NRXN3: variants seen among roughly 807,000 people sequenced by gnomAD.
NRXN3 encodes the protein neurexin III.
A neutral mutation model predicts 137.6 loss-of-function variants in NRXN3; 32 were observed. The ratio of observed to expected loss-of-function variants is 0.23; its 90% confidence interval spans 0.18 to 0.31. The LOEUF is 0.31. Among genes scored for constraint, NRXN3 ranks in the 10% least tolerant of loss-of-function variants. The probability of loss-of-function intolerance (pLI) is 1.00; values close to 1 mark genes in which losing one functional copy is unlikely to be tolerated. For missense variants in NRXN3, 1,574 were observed against 2,062.5 expected (o/e 0.76, Z 4.59); for synonymous variants, 798 against 784.5 (o/e 1.02, Z -0.29).
chr14:78,811,618 C>T (rs2098913468), intron 10 of NRXN3, among the ~76,000 whole-genome samples: 1 of 152,074 alleles, frequency 6.6e-6, no homozygotes, highest in Non-Finnish European at 1.5e-5. Flanking sequence ...AGGAAAAATC[C>T]AACTTTTACA....
At chr14:78,260,870 A>G (rs776176512) in intron 2 of NRXN3, among the ~76,000 whole-genome samples, 1 of 152,188 alleles carries the variant, frequency 6.6e-6, no homozygotes, top group African/African-American at 2.4e-5. Flanking sequence ...CTTATGATTT[A>G]TTCCTTCTTA....
At chr14:79,546,776 A>C (rs553662972) in intron 16 of NRXN3, among the ~76,000 whole-genome samples, 3 of 152,242 alleles carry the variant, frequency 2.0e-5, no homozygotes, top group Admixed American at 1.3e-4. Context: ...TCATCAAGTC[A>C]TTTTCCATCT....
chr14:78,243,343 C>T lies in NRXN3; in HGVS notation c.250C>T (p.Arg84Cys), dbSNP rs756910452. 5.8e-6 allele frequency: 9 copies of T among 1,560,028 alleles called. No homozygotes were observed. Among genetic ancestry groups the T allele is most frequent in the South Asian group, 4.7e-5 (4 of 85,758 alleles). ...CCTATGCCTCTCCCTGGTGGATGGC[C>T]GCGTTCAGCTCCGCTTCAGCATGGA... ...DFLCLSLVDG[R>C]VQLRFSMDCA... The change falls in exon 2 of 21, where the codon CGC becomes TGC. Residue 84 changes from arginine to cysteine, a missense_variant. Arg to Cys is a radical substitution (Grantham distance 180). Transcript: ENST00000335750. This position sits in a 1 kb window ranked among gnomAD's most constrained non-coding sequence, Gnocchi z 4.2.
intron 15 of NRXN3, among the ~76,000 whole-genome samples, chr14:79,138,460 A>C (rs1455786314): frequency 6.6e-6 from 1 of 152,264 alleles, no homozygotes; most frequent in Non-Finnish European, 1.5e-5. Context: ...TACAAGTATC[A>C]GACATGTATG....
intron 4 of NRXN3, among the ~76,000 whole-genome samples, chr14:78,563,512 A>C (rs1033978114): frequency 1.3e-5 from 2 of 152,224 alleles, no homozygotes; most frequent in Admixed American, 1.3e-4. Flanking sequence ...ATCCCCTAGA[A>C]AGTAACTGTG....
chr14:78,850,218 A>G (rs1367175031), intron 10 of NRXN3, among the ~76,000 whole-genome samples: 1 of 152,054 alleles, frequency 6.6e-6, no homozygotes, highest in Non-Finnish European at 1.5e-5. Context: ...CAGAGCAGGA[A>G]GGGCCTAGAA....
chr14:79,772,844 T>C (rs2099083354), intron 19 of NRXN3, among the ~76,000 whole-genome samples: 1 of 152,020 alleles, frequency 6.6e-6, no homozygotes, highest in Admixed American at 6.5e-5. Flanking sequence ...ACAGGCAACC[T>C]ACAAAATGGG....
chr14:78,533,870 A>G (rs1025074247), intron 4 of NRXN3, among the ~76,000 whole-genome samples: 4 of 151,574 alleles, frequency 2.6e-5, no homozygotes, highest in Non-Finnish European at 5.9e-5. Context: ...CTGTTTTTGT[A>G]TTTTTTTTCC....
chr14:78,801,177 C>G (rs966479258), intron 8 of NRXN3, among the ~76,000 whole-genome samples: 1 of 152,044 alleles, frequency 6.6e-6, no homozygotes, highest in African/African-American at 2.4e-5. Context: ...AAAAATTAGC[C>G]GCACATGGTG....
At chr14:79,796,921 A>G (rs1176080416) in intron 19 of NRXN3, among the ~76,000 whole-genome samples, 1 of 152,166 alleles carries the variant, frequency 6.6e-6, no homozygotes, top group East Asian at 1.9e-4. Flanking sequence ...TTAAGATTTT[A>G]TAGCTAATGA....
intron 19 of NRXN3, among the ~76,000 whole-genome samples, chr14:79,768,170 C>G (rs983909702): frequency 2.6e-5 from 4 of 152,226 alleles, no homozygotes; most frequent in Non-Finnish European, 5.9e-5. Flanking sequence ...TGAGATCAAA[C>G]TGCAAGGCAG....
At chr14:78,402,575 A>G (rs2092170584) in intron 4 of NRXN3, among the ~76,000 whole-genome samples, 1 of 152,222 alleles carries the variant, frequency 6.6e-6, no homozygotes. Context: ...AAATGGTCAC[A>G]TATTTCAAAT....
chr14:78,987,163 G>T (rs1020507694), intron 14 of NRXN3, among the ~76,000 whole-genome samples: 1 of 152,022 alleles, frequency 6.6e-6, no homozygotes, highest in African/African-American at 2.4e-5. Context: ...CCCTGCAAAA[G>T]TTTCTAATTC....
chr14:79,223,590 T>G (rs1043959905), intron 15 of NRXN3, among the ~76,000 whole-genome samples: 1 of 151,840 alleles, frequency 6.6e-6, no homozygotes, highest in African/African-American at 2.4e-5. Context: ...AAGAAAAAAA[T>G]GGTGTTTACT....
At chr14:79,190,507 A>G (rs2153174778) in intron 15 of NRXN3, among the ~76,000 whole-genome samples, 1 of 152,244 alleles carries the variant, frequency 6.6e-6, no homozygotes, top group East Asian at 1.9e-4. Context: ...TATTTTCTGG[A>G]GTGCAGGATT....
chr14:79,213,574 A>C (rs2068021831), intron 15 of NRXN3, among the ~76,000 whole-genome samples: 1 of 150,790 alleles, frequency 6.6e-6, no homozygotes, highest in Non-Finnish European at 1.5e-5. Context: ...AACTCAAGTG[A>C]CAGAGCTTTC....
At chr14:79,349,587 CAG>C (rs1230326404) in intron 15 of NRXN3, among the ~76,000 whole-genome samples, 1 of 127,234 alleles carries the variant, frequency 7.9e-6, no homozygotes, top group Non-Finnish European at 1.7e-5. Context: ...CACACACACA[CAG>C]ACAATATTAT....
At chr14:78,561,852 T>C (rs910032210) in intron 4 of NRXN3, among the ~76,000 whole-genome samples, 1 of 152,198 alleles carries the variant, frequency 6.6e-6, no homozygotes, top group African/African-American at 2.4e-5. Flanking sequence ...ATACTATACC[T>C]TTGACTCATT....
intron 1 of NRXN3, among the ~76,000 whole-genome samples, chr14:78,218,058 C>G (rs1289449474): frequency 2.0e-5 from 3 of 152,174 alleles, no homozygotes; most frequent in African/African-American, 7.2e-5. Context: ...TATCCATGTT[C>G]ATATATGTAT....
Sources: gnomAD v4.1 joint callset for allele counts (sites outside exome capture counted in the v4.1 genomes callset) on GRCh38, gnomAD v4.1.1 for gene constraint, Gnocchi (gnomAD v3.1) non-coding constraint, MANE v1.5 for transcripts, NCBI Gene and HGNC (gene_info 2026-07-23, HGNC 2026-07-21) for gene names.